Variants in ACIN1 observed in about 807,000 individuals in gnomAD.
ACIN1 encodes the protein apoptotic chromatin condensation inducer 1, also known as apoptotic chromatin condensation inducer in the nucleus.
A neutral mutation model predicts 146.6 loss-of-function variants in ACIN1; 16 were observed. The ratio of observed to expected loss-of-function variants is 0.11; its 90% CI spans 0.07 to 0.17. The LOEUF is 0.17. Ranked by LOEUF, ACIN1 falls within the 10% of genes least tolerant of loss-of-function variation. ACIN1 has a pLI of 1.00. For missense variants in ACIN1, 1,357 were observed against 1,609.3 expected (o/e 0.84, Z 2.68); for synonymous variants, 569 against 582.7 (o/e 0.98, Z 0.34).
chr14:23,094,154 G>T (rs563786823), intron 1 of ACIN1, among the ~76,000 whole-genome samples: 15 of 117,466 alleles, frequency 1.3e-4, no homozygotes, highest in Admixed American at 1.2e-3. Context: ...ATCAGCTTCT[G>T]TATAAGCAAC....
At chr14:23,088,807 T>G (rs1377215613) in intron 4 of ACIN1, among the ~76,000 whole-genome samples, 1 of 152,212 alleles carries the variant, frequency 6.6e-6, no homozygotes, top group Admixed American at 6.5e-5. Flanking sequence ...ATTTGCATTA[T>G]ACTTTCTGAT....
intron 4 of ACIN1, among the ~76,000 whole-genome samples, chr14:23,084,169 A>T (rs2048026123): frequency 6.6e-6 from 1 of 151,922 alleles, no homozygotes; most frequent in Non-Finnish European, 1.5e-5. Context: ...CTGGTCTCGA[A>T]CTCCTGACCT....
At chr14:23,069,648 G>GGGGCCC in intron 8 of ACIN1, 31 bp from the exon 9 acceptor site, 10 of 589,356 alleles carry the variant, frequency 1.7e-5, no homozygotes, top group Non-Finnish European at 2.2e-5. Flanking sequence ...TGGTGGGGGG[G>GGGGCCC]CGGGCAGAAA....
At chr14:23,062,657 G>GT in intron 14 of ACIN1, 134 bp from the exon 15 acceptor site, 4 of 868,354 alleles carry the variant, frequency 4.6e-6, no homozygotes, top group Non-Finnish European at 7.3e-6. Flanking sequence ...GAACCTTGCA[G>GT]TAAGAATGTG....
At chr14:23,072,258 C>T (rs922792879) in intron 8 of ACIN1, among the ~76,000 whole-genome samples, 3 of 152,142 alleles carry the variant, frequency 2.0e-5, no homozygotes, top group African/African-American at 7.2e-5. Flanking sequence ...GAAGAGATGA[C>T]AGACAACTTT....
chr14:23,079,137 C>T (rs2047877285), intron 6 of ACIN1, 99 bp from the exon 7 acceptor site: 3 of 1,216,398 alleles, frequency 2.5e-6, no homozygotes, highest in Non-Finnish European at 2.3e-6. Context: ...AAATTTTATA[C>T]TCTGGACCTT....
rs2140150658 is a variant in ACIN1, at chr14:23,079,693, G to A, written c.1642C>T (p.Pro548Ser). The A allele has an allele frequency of 6.2e-7, 1 of 1,614,160 alleles. No individual in the cohort carries two copies. Among genetic ancestry groups the A allele is most frequent in the Non-Finnish European group, 8.5e-7 (1 of 1,180,040 alleles). Residue 548 changes from proline to serine, a missense_variant, in exon 6 of 19, where the codon CCG (proline) becomes TCG (serine). By Grantham distance (74) the Pro-to-Ser change is moderately conservative (BLOSUM62 -1). Transcript: ENST00000605057. The part of the protein sequence containing the change: ...PDSSGSRSHS[P>S]LRSKQRDVAQ... The stretch of plus-strand genomic sequence containing the variant: ...ACATCTCTCTGCTTGGATCTGAGCG[G>A]TGAATGAGACCGAGAACCTGAACTG...
chr14:23,085,957 A>G (rs1274688258), intron 4 of ACIN1, among the ~76,000 whole-genome samples: 1 of 152,270 alleles, frequency 6.6e-6, no homozygotes, highest in Non-Finnish European at 1.5e-5. Context: ...GTTGCTAGAC[A>G]ATGCAGGATA....
At chr14:23,063,677 A>AAGGAACATGCTAGAT in intron 12 of ACIN1, 100 bp from the exon 13 acceptor site, 1 of 1,373,074 alleles carries the variant, frequency 7.3e-7, no homozygotes, top group Non-Finnish European at 1.0e-6. Context: ...TCAATCTAGC[A>AAGGAACATGCTAGAT]TGTTCCTTCC....
rs750502582 is a variant in ACIN1 at position 23,080,330 on chromosome 14, A to T, written c.1005T>A (p.Thr335=). Residue 335 remains threonine, a synonymous_variant, in exon 6 of 19, where the codon ACT becomes ACA. Coordinates refer to ENST00000605057, the MANE Select transcript of ACIN1 (RefSeq NM_001386863.1). ...KSKSPSPPRL[T]EDRKKASLVA... Reference sequence around the variant, plus strand: ...CAAGTGAGGCCTTCTTTCGATCTTCAGTCAGTCGAGGAGGGGAAGGAGACT... The same window carrying T: ...CAAGTGAGGCCTTCTTTCGATCTTCTGTCAGTCGAGGAGGGGAAGGAGACT... 1 of 1,614,072 alleles carries T rather than the reference A, an allele frequency of 6.2e-7. No individual in the cohort carries two copies. Among genetic ancestry groups the T allele is most frequent in the Admixed American group, 1.7e-5 (1 of 60,002 alleles).
chr14:23,080,344 G>A lies in ACIN1; in HGVS notation c.991C>T (p.Pro331Ser), dbSNP rs2140159029. 6.2e-7 allele frequency: 1 copy of A among 1,614,150 alleles called. No individual in the cohort carries two copies. The highest frequency in any genetic ancestry group is 8.5e-7 in the Non-Finnish European group (1 of 1,180,020). Reference sequence around the variant, plus strand: ...TTTCGATCTTCAGTCAGTCGAGGAGGGGAAGGAGACTTCGATTTTTCCTTT... The same window carrying A: ...TTTCGATCTTCAGTCAGTCGAGGAGAGGAAGGAGACTTCGATTTTTCCTTT... ...GLKEKSKSPS[P>S]PRLTEDRKKA... The change falls in exon 6 of 19, where the codon CCT (proline) becomes TCT (serine). Residue 331 changes from proline to serine, a missense_variant. Pro to Ser is a moderately conservative substitution (Grantham distance 74). Around this residue, in one of 4 missense-constraint regions of ACIN1, gnomAD observed 771 missense variants for 746.6 expected, o/e 1.03. Transcript: ENST00000605057.
rs143201072 is a variant in ACIN1, at chr14:23,077,340, A to G, written c.2123+811T>C. Among the ~76,000 whole-genome samples the G allele has an allele frequency of 3.3e-5, 5 of 152,366 alleles. No individual in the cohort carries two copies. The East Asian group carries it at 9.6e-4, about 29-fold the overall frequency. On this transcript the variant is annotated intron_variant, in intron 8 of 18. Coordinates refer to ENST00000605057, the MANE Select transcript of ACIN1 (RefSeq NM_001386863.1). The stretch of plus-strand genomic sequence containing the variant: ...GCTAACAGTCTACACAGGACATTCT[A>G]CAAAGCAGTTCAGGGTTCCTGATGT...
At position 23,059,401 on chromosome 14, in the gene ACIN1, T is replaced by G; in HGVS notation, c.3599A>C (p.Glu1200Ala). ...TTCCTTCTCCCGCTCCTTTTGCTCT[T>G]CTTCTTCTTGCTCCTTTCGCCGCTT... ...REKRRKEQEE[E>A]EQKEREKEAE... Residue 1200 changes from glutamate to alanine, a missense_variant, in exon 19 of 19, where the codon GAA becomes GCA. By Grantham distance (107) the Glu-to-Ala change is moderately radical. Transcript: ENST00000605057. 1 of 1,613,840 alleles carries G rather than the reference T, an allele frequency of 6.2e-7. No homozygotes were observed. Among genetic ancestry groups the G allele is most frequent in the Non-Finnish European group, 8.5e-7 (1 of 1,179,898 alleles).
At chr14:23,082,437 A>T (rs1042055315) in intron 4 of ACIN1, among the ~76,000 whole-genome samples, 50 of 95,826 alleles carry the variant, frequency 5.2e-4, no homozygotes, top group Admixed American at 1.9e-3. Context: ...AGAGCTCAAT[A>T]TTTTTTTTTT....
Position 23,079,013 on chromosome 14 carries a change from T to C in ACIN1, c.1814A>G (p.Asp605Gly), listed in dbSNP as rs920497782. 1 of 1,614,058 alleles carries C rather than the reference T, an allele frequency of 6.2e-7. No individual in the cohort carries two copies. Among genetic ancestry groups the C allele is most frequent in the African/African-American group, 1.3e-5 (1 of 74,930 alleles). The change falls in exon 7 of 19, where the codon GAC becomes GGC. Residue 605 changes from aspartate (D) to glycine (G), a missense_variant. By Grantham distance (94) the Asp-to-Gly change is moderately conservative (BLOSUM62 -1). This residue lies in a region of ACIN1 where 771 missense variants were observed against 746.6 expected (regional missense o/e 1.03). Coordinates refer to ENST00000605057, the MANE Select transcript of ACIN1 (RefSeq NM_001386863.1). ...GGTTTCAGTATAGCTGGTGCTGCTG[T>C]CCCTGGAGACTCCAGGGCTCAGAGA... ...RKSLSPGVSR[D>G]SSTSYTETKD... is the part of the protein sequence containing the mutation.
chr14:23,063,304 G>T, intron 13 of ACIN1, 132 bp downstream of exon 13: 1 of 1,269,774 alleles, frequency 7.9e-7, no homozygotes, highest in Non-Finnish European at 1.1e-6. Flanking sequence ...TACTTAATAT[G>T]TAGGAGAAAG....
In ACIN1 at chr14:23,081,811, C is replaced by T. The variant is rs759298242; in HGVS notation, c.462G>A (p.Glu154=). ...GTTTCTCATCATCAGAGTCACCTTT[C>T]TCTTCAGAAATTGAGGAGCTTTTTC... is the stretch of plus-strand genomic sequence containing the variant. ...SPRKSSSISE[E]KGDSDDEKPR... Residue 154 remains glutamate (E), a synonymous_variant, in exon 5 of 19, where the codon GAG becomes GAA. Coordinates refer to ENST00000605057, the MANE Select transcript of ACIN1 (RefSeq NM_001386863.1). The T allele has an allele frequency of 1.2e-5, 20 of 1,612,488 alleles. No homozygotes were observed. The highest frequency in any genetic ancestry group is 1.7e-5 in the Admixed American group (1 of 59,896).
At chr14:23,077,339 T>C (rs1461307237) in intron 8 of ACIN1, among the ~76,000 whole-genome samples, 2 of 152,222 alleles carry the variant, frequency 1.3e-5, no homozygotes, top group Non-Finnish European at 2.9e-5. Flanking sequence ...CAGGACATTC[T>C]ACAAAGCAGT....
intron 18 of ACIN1, 31 bp from the exon 19 acceptor site, chr14:23,059,505 G>A (rs1381303771): frequency 7.0e-6 from 11 of 1,577,672 alleles, no homozygotes; most frequent in Admixed American, 1.7e-5. Flanking sequence ...CAGAGAATAG[G>A]CAGCTCAGTC....
Sources: allele counts gnomAD v4.1 joint callset (sites outside exome capture counted in the v4.1 genomes callset), GRCh38; gene constraint gnomAD v4.1.1; regional missense constraint gnomAD v4.1.1; transcripts MANE v1.5; gene names NCBI Gene and HGNC (gene_info 2026-07-23, HGNC 2026-07-21).